CLSTN2: variants seen among roughly 807,000 people sequenced by gnomAD.
CLSTN2 encodes the protein calsyntenin-2.
A neutral mutation model predicts 101.2 loss-of-function variants in CLSTN2; 48 were observed. That is an observed-to-expected ratio of 0.47 (90% CI 0.38 to 0.60). The LOEUF is 0.60. CLSTN2 is among the 20% of genes least tolerant of loss of function. CLSTN2 has a pLI of 0.00. For missense variants in CLSTN2, 1,160 were observed against 1,238.2 expected (o/e 0.94, Z 0.95); for synonymous variants, 481 against 463.6 (o/e 1.04, Z -0.48).
At chr3:140,267,914 A>G (rs1023535954) in intron 2 of CLSTN2, among the ~76,000 whole-genome samples, 3 of 152,168 alleles carry the variant, frequency 2.0e-5, no homozygotes, top group East Asian at 1.9e-4. Context: ...AGGCACAGCT[A>G]TTCTTGGACT....
intron 1 of CLSTN2, among the ~76,000 whole-genome samples, chr3:140,052,465 G>T (rs2008015747): frequency 6.6e-6 from 1 of 152,134 alleles, no homozygotes; most frequent in African/African-American, 2.4e-5. Flanking sequence ...CAATATTTCT[G>T]TTATTAAATG....
At chr3:140,539,349 A>C (rs1295384998) in intron 9 of CLSTN2, among the ~76,000 whole-genome samples, 3 of 152,208 alleles carry the variant, frequency 2.0e-5, no homozygotes, top group Admixed American at 6.5e-5. Context: ...AAATTGTTTT[A>C]GGTCCTGGAG....
intron 8 of CLSTN2, chr3:140,508,704 G>A (rs1339064918): frequency 6.6e-6 from 1 of 152,050 alleles, no homozygotes; most frequent in Non-Finnish European, 1.5e-5. Context: ...AACTCACTCT[G>A]TACATGGGCA....
intron 1 of CLSTN2, among the ~76,000 whole-genome samples, chr3:140,055,430 G>A (rs1021365725): frequency 2.0e-5 from 3 of 152,182 alleles, no homozygotes; most frequent in Non-Finnish European, 2.9e-5. Context: ...GTTGGAAGAA[G>A]TGCTTAGATT....
intron 2 of CLSTN2, among the ~76,000 whole-genome samples, chr3:140,226,212 A>G (rs1280144049): frequency 6.6e-6 from 1 of 151,876 alleles, no homozygotes; most frequent in Non-Finnish European, 1.5e-5. Context: ...CAGAGATTAA[A>G]GACAGGGTGG....
intron 1 of CLSTN2, among the ~76,000 whole-genome samples, chr3:140,041,183 T>C (rs565905526): frequency 8.5e-5 from 13 of 152,318 alleles, no homozygotes; most frequent in Admixed American, 6.5e-5. Flanking sequence ...GGCTGTGATC[T>C]TGACTTTAAT....
intron 1 of CLSTN2, among the ~76,000 whole-genome samples, chr3:140,102,859 C>T (rs1237236462): frequency 1.3e-5 from 2 of 152,200 alleles, no homozygotes; most frequent in Non-Finnish European, 2.9e-5. Context: ...AGGCTCAAAA[C>T]TTTCTGTGAT....
rs971888937 is a variant in CLSTN2, at chr3:140,154,311, A to G, written c.110-21640A>G. 4.6e-5 allele frequency among the ~76,000 whole-genome samples: 7 copies of G among 151,986 alleles called. 1 individual carries two copies. The South Asian group carries it at 1.0e-3, about 23-fold the overall frequency. ...AACATCTAGTGCAGATACTCCAAGG[A>G]AGGCCTGAGCTTGGTGAATTTGTGG... On this transcript the variant is annotated intron_variant, in intron 1 of 16. Transcript: ENST00000458420.
At chr3:140,076,598 G>A (rs75701353) in intron 1 of CLSTN2, among the ~76,000 whole-genome samples, 3,345 of 139,558 alleles carry the variant, frequency 0.024, 120 homozygotes, top group African/African-American at 0.085. Flanking sequence ...CAACTTTGTG[G>A]TCAATGACTC....
In CLSTN2 at chr3:140,277,239, G is replaced by C. The variant is rs551709900; in HGVS notation, c.232+101166G>C. Reference sequence around the variant, plus strand: ...GTATATGCTAACCATTTCATTGTCTGTGGAACTCTTCAAGGAGGGGATGAT... The same window carrying C: ...GTATATGCTAACCATTTCATTGTCTCTGGAACTCTTCAAGGAGGGGATGAT... On this transcript the variant is annotated intron_variant, in intron 2 of 16. Coordinates refer to ENST00000458420, the MANE Select transcript of CLSTN2 (RefSeq NM_022131.3). Among the ~76,000 whole-genome samples the C allele has an allele frequency of 5.4e-4, 82 of 152,304 alleles. 1 individual carries two copies. The highest frequency in any genetic ancestry group is 1.9e-3 in the African/African-American group (78 of 41,566).
chr3:140,446,946 T>A (rs1933094909), intron 5 of CLSTN2, among the ~76,000 whole-genome samples: 2 of 152,154 alleles, frequency 1.3e-5, no homozygotes, highest in African/African-American at 4.8e-5. Flanking sequence ...CCCTTTGTAC[T>A]CCAAGCAGAG....
chr3:140,326,961 G>T (rs2087337351), intron 2 of CLSTN2, among the ~76,000 whole-genome samples: 1 of 151,970 alleles, frequency 6.6e-6, no homozygotes, highest in South Asian at 2.1e-4. Flanking sequence ...CCAACTGTTT[G>T]CCCTGAAGAA....
intron 1 of CLSTN2, among the ~76,000 whole-genome samples, chr3:140,072,556 T>C (rs535276317): frequency 6.6e-6 from 1 of 152,362 alleles, no homozygotes; most frequent in South Asian, 2.1e-4. Context: ...TCAATTTATA[T>C]GTAACATCTA....
At chr3:140,376,118 G>T (rs900947539) in intron 2 of CLSTN2, among the ~76,000 whole-genome samples, 1 of 152,200 alleles carries the variant, frequency 6.6e-6, no homozygotes, top group Non-Finnish European at 1.5e-5. Flanking sequence ...ATTGAGGTCT[G>T]CTTTTCCAAG....
At chr3:139,991,072 A>G (rs571772179) in intron 1 of CLSTN2, among the ~76,000 whole-genome samples, 1 of 152,378 alleles carries the variant, frequency 6.6e-6, no homozygotes, top group African/African-American at 2.4e-5. Flanking sequence ...TCATGAAAGT[A>G]TCATGCAAAT....
chr3:140,359,823 C>T (rs2087708402), intron 2 of CLSTN2, among the ~76,000 whole-genome samples: 1 of 151,864 alleles, frequency 6.6e-6, no homozygotes, highest in African/African-American at 2.4e-5. Flanking sequence ...TTGACAGCAA[C>T]CTAAGTGCAA....
At chr3:140,314,437 C>T (rs1181908659) in intron 2 of CLSTN2, among the ~76,000 whole-genome samples, 1 of 152,160 alleles carries the variant, frequency 6.6e-6, no homozygotes, top group Non-Finnish European at 1.5e-5. Flanking sequence ...CTGTCCTGCT[C>T]CCGTTATACT....
chr3:139,998,175 A>G (rs1351664956), intron 1 of CLSTN2, among the ~76,000 whole-genome samples: 1 of 152,054 alleles, frequency 6.6e-6, no homozygotes, highest in Non-Finnish European at 1.5e-5. Flanking sequence ...AATAATCAGA[A>G]CAGAACTTTG....
chr3:140,224,381 T>C (rs1389865773), intron 2 of CLSTN2, among the ~76,000 whole-genome samples: 3 of 152,232 alleles, frequency 2.0e-5, no homozygotes, highest in Non-Finnish European at 2.9e-5. Context: ...ATTCTGGTTA[T>C]TATTTTTTAG....
Sources: allele counts gnomAD v4.1 joint callset (sites outside exome capture counted in the v4.1 genomes callset), GRCh38; gene constraint gnomAD v4.1.1; transcripts MANE v1.5; gene names NCBI Gene and HGNC (gene_info 2026-07-23, HGNC 2026-07-21).